The following PDE4B variants were observed in gnomAD, a reference collection of about 807,000 sequenced individuals.
The protein encoded by PDE4B is phosphodiesterase 4B, also known as 3',5'-cyclic-AMP phosphodiesterase 4B.
A neutral mutation model predicts 82.2 loss-of-function variants in PDE4B; 20 were observed. That is an observed-to-expected ratio of 0.24 (90% CI 0.17 to 0.35). PDE4B has a LOEUF of 0.35. Ranked by LOEUF, PDE4B falls within the 10% of genes least tolerant of loss-of-function variation. The pLI is 1.00. For missense variants in PDE4B, 655 were observed against 907.2 expected, an observed-to-expected ratio of 0.72 and a Z score of 3.57; for synonymous variants, 320 against 318.9, an observed-to-expected ratio of 1.00 and a Z score of -0.04.
chr1:65,858,689 C>T (rs1303582953), intron 1 of PDE4B, among the ~76,000 whole-genome samples: 6 of 151,980 alleles, frequency 3.9e-5, no homozygotes, highest in Admixed American at 2.6e-4. Flanking sequence ...GTCTGTATAC[C>T]GTATTTTCCT....
intron 3 of PDE4B, among the ~76,000 whole-genome samples, chr1:66,037,386 G>A (rs1318794888): frequency 6.6e-6 from 1 of 152,032 alleles, no homozygotes; most frequent in African/African-American, 2.4e-5. Flanking sequence ...ATTATAAATA[G>A]GATTGTTTTC....
chr1:66,095,122 T>G (rs1375429869), intron 3 of PDE4B, among the ~76,000 whole-genome samples: 1 of 151,906 alleles, frequency 6.6e-6, no homozygotes, highest in African/African-American at 2.4e-5. Flanking sequence ...GCATCATTCA[T>G]CTTGGTGAAC....
rs143097363 is a variant in PDE4B, at chr1:65,956,802, G to A, written c.281+37967G>A. Reference sequence around the variant, plus strand: ...ATTGGTGTGATTGCTGTCTTAGAGGGTATGCTCAGCTTGAACTTTACCAGG... The same window carrying A: ...ATTGGTGTGATTGCTGTCTTAGAGGATATGCTCAGCTTGAACTTTACCAGG... On this transcript the variant is annotated intron_variant, in intron 3 of 16. Coordinates refer to ENST00000341517, the MANE Select transcript of PDE4B (RefSeq NM_002600.4). 3.2e-4 allele frequency among the ~76,000 whole-genome samples: 49 copies of A among 152,196 alleles called. 1 individual carries two copies. Among genetic ancestry groups the A allele is most frequent in the African/African-American group, 1.1e-3 (44 of 41,546 alleles).
intron 1 of PDE4B, among the ~76,000 whole-genome samples, chr1:65,867,277 A>G (rs1422346684): frequency 5.9e-5 from 9 of 152,228 alleles, no homozygotes; most frequent in Non-Finnish European, 1.3e-4. Flanking sequence ...AAGTGTTTTC[A>G]TAGTTCAAAG....
intron 3 of PDE4B, among the ~76,000 whole-genome samples, chr1:66,218,795 T>C (rs1356925227): frequency 6.6e-6 from 1 of 152,166 alleles, no homozygotes; most frequent in African/African-American, 2.4e-5. Context: ...TAACACTTAT[T>C]ACAAGGCCTA....
intron 3 of PDE4B, among the ~76,000 whole-genome samples, chr1:66,219,860 C>T (rs111247228): frequency 1.3e-5 from 2 of 152,236 alleles, no homozygotes; most frequent in African/African-American, 4.8e-5. Flanking sequence ...CTTGTAGTTA[C>T]CACATCTGTA....
chr1:66,150,921 G>A (rs972908740), intron 3 of PDE4B, among the ~76,000 whole-genome samples: 1 of 152,116 alleles, frequency 6.6e-6, no homozygotes, highest in African/African-American at 2.4e-5. Flanking sequence ...ATATGCTGCT[G>A]TATCCAATTC....
At chr1:65,991,463 C>T (rs181370289) in intron 3 of PDE4B, among the ~76,000 whole-genome samples, 193 of 152,172 alleles carry the variant, frequency 1.3e-3, no homozygotes, top group African/African-American at 4.1e-3. Context: ...GAAGTCTTAC[C>T]GAGAATCATT....
At chr1:65,875,217 C>A (rs1022932121) in intron 1 of PDE4B, among the ~76,000 whole-genome samples, 2 of 151,576 alleles carry the variant, frequency 1.3e-5, no homozygotes, top group African/African-American at 4.8e-5. Context: ...TCATCACTAG[C>A]CATCAGAGAA....
chr1:66,006,895 A>G (rs1652182319), intron 3 of PDE4B, among the ~76,000 whole-genome samples: 1 of 152,082 alleles, frequency 6.6e-6, no homozygotes, highest in African/African-American at 2.4e-5. Flanking sequence ...TTTATAAATT[A>G]CCCAGTCTCA....
intron 3 of PDE4B, among the ~76,000 whole-genome samples, chr1:66,139,341 C>G (rs147626712): frequency 6.6e-6 from 1 of 152,200 alleles, no homozygotes; most frequent in South Asian, 2.1e-4. Flanking sequence ...CGAAAACCAA[C>G]CAGGAAACTC....
intron 7 of PDE4B, among the ~76,000 whole-genome samples, chr1:66,325,830 C>T (rs1412645498): frequency 6.6e-6 from 1 of 152,182 alleles, no homozygotes; most frequent in South Asian, 2.1e-4. Context: ...GTTCCTGACA[C>T]GTGCCGGATG....
chr1:65,840,158 G>C (rs922455517), intron 1 of PDE4B, among the ~76,000 whole-genome samples: 1 of 152,040 alleles, frequency 6.6e-6, no homozygotes, highest in Admixed American at 6.6e-5. Context: ...AAATACTTCT[G>C]TTTTATATGT....
intron 3 of PDE4B, among the ~76,000 whole-genome samples, chr1:65,944,165 A>G (rs1648584141): frequency 6.6e-6 from 1 of 151,916 alleles, no homozygotes; most frequent in African/African-American, 2.4e-5. Flanking sequence ...CATTACTTCT[A>G]TACCTAATTT....
At chr1:66,033,752 G>T (rs1653923504) in intron 3 of PDE4B, among the ~76,000 whole-genome samples, 1 of 148,778 alleles carries the variant, frequency 6.7e-6, no homozygotes, top group African/African-American at 2.5e-5. Flanking sequence ...GAGGCTAAAG[G>T]TACATCTCCT....
chr1:65,997,895 TAG>T (rs922027069), intron 3 of PDE4B, among the ~76,000 whole-genome samples: 23 of 152,132 alleles, frequency 1.5e-4, no homozygotes, highest in African/African-American at 5.6e-4. Context: ...TAACTACCAC[TAG>T]AGAGTGAGTC....
chr1:65,796,097 C>T (rs1320854392), intron 1 of PDE4B, among the ~76,000 whole-genome samples: 6 of 152,292 alleles, frequency 3.9e-5, no homozygotes, highest in East Asian at 1.9e-4. Context: ...TTTGAATTGA[C>T]GTTCCCTTAT....
chr1:66,015,466 A>G (rs1652716758), intron 3 of PDE4B, among the ~76,000 whole-genome samples: 1 of 152,152 alleles, frequency 6.6e-6, no homozygotes, highest in Non-Finnish European at 1.5e-5. Context: ...CTTCAGCCCA[A>G]AGTAATTTTA....
intron 3 of PDE4B, among the ~76,000 whole-genome samples, chr1:66,110,221 G>A (rs74084620): frequency 0.026 from 3,973 of 151,976 alleles, 166 homozygotes; most frequent in African/African-American, 0.092. Flanking sequence ...GAGCGTTTGA[G>A]GGAATAATAA....
Sources: gnomAD v4.1 joint callset for allele counts (sites outside exome capture counted in the v4.1 genomes callset) on GRCh38, gnomAD v4.1.1 for gene constraint, MANE v1.5 for transcripts, NCBI Gene and HGNC (gene_info 2026-07-23, HGNC 2026-07-21) for gene names.